The following PLA2G15 variants were observed in gnomAD, a reference collection of about 807,000 sequenced individuals.
PLA2G15 encodes phospholipase A2 group XV, also known as lysosomal phospholipase A and acyltransferase.
A neutral mutation model predicts 40.9 loss-of-function variants in PLA2G15; 20 were observed. That is an observed-to-expected ratio of 0.49 (90% CI 0.34 to 0.71). The LOEUF (loss-of-function observed/expected upper bound fraction) is 0.71, where lower values mean the gene tolerates loss of function less well. PLA2G15 is among the 30% of genes least tolerant of loss of function. The probability of loss-of-function intolerance (pLI) is 0.01; values close to 1 mark genes in which losing one functional copy is unlikely to be tolerated. For synonymous variants in PLA2G15, 223 were observed against 228.2 expected (o/e 0.98, Z 0.21); for missense variants, 471 against 541.9 (o/e 0.87, Z 1.30).
At chr16:68,257,954 T>C (rs2042414822) in intron 5 of PLA2G15, among the ~76,000 whole-genome samples, 1 of 152,134 alleles carries the variant, frequency 6.6e-6, no homozygotes, top group Non-Finnish European at 1.5e-5. Flanking sequence ...CCTAGGGGCT[T>C]TCCTTGCCTC....
intron 1 of PLA2G15, among the ~76,000 whole-genome samples, chr16:68,247,879 G>T (rs1028189074): frequency 6.6e-6 from 1 of 152,242 alleles, no homozygotes; most frequent in Non-Finnish European, 1.5e-5. Flanking sequence ...CATGGCATGT[G>T]GGGGCAGGTG....
At chr16:68,257,724 G>A (rs778704683) in intron 5 of PLA2G15, among the ~76,000 whole-genome samples, 3 of 152,196 alleles carry the variant, frequency 2.0e-5, no homozygotes, top group Non-Finnish European at 2.9e-5. Context: ...AAGACACTCA[G>A]ATTTAGTGAG....
chr16:68,260,102 C>G lies in PLA2G15; in HGVS notation c.*445C>G, dbSNP rs1010585731. 1.8e-5 allele frequency: 3 copies of G among 170,350 alleles called. No homozygotes were observed. The highest frequency in any genetic ancestry group is 7.2e-5 in the African/African-American group (3 of 41,894). The allele number at this position is 170,350 out of a possible 1,614,324, so 10.6% of individuals were successfully genotyped here. A position where few individuals can be genotyped will look rare whatever the true frequency, so the allele number is the denominator to read the frequency against. On this transcript the variant is annotated 3_prime_UTR_variant, in exon 6 of 6. Coordinates refer to ENST00000219345, the MANE Select transcript of PLA2G15 (RefSeq NM_012320.4). ...TCCCAGGGATCGGCTCCTGGCCCCT[C>G]GGGTGACCCTTCCCACACACCAGCC...
intron 1 of PLA2G15, among the ~76,000 whole-genome samples, chr16:68,246,198 A>T (rs2042307181): frequency 1.3e-5 from 2 of 152,234 alleles, no homozygotes; most frequent in African/African-American, 2.4e-5. Flanking sequence ...CCTGCCACAC[A>T]TGCTTGGACT....
At chr16:68,247,105 C>T (rs2042315955) in intron 1 of PLA2G15, among the ~76,000 whole-genome samples, 1 of 152,066 alleles carries the variant, frequency 6.6e-6, no homozygotes, top group Admixed American at 6.5e-5. Flanking sequence ...CAGCAGGAGT[C>T]CTAACATGCC....
chr16:68,253,697 T>G (rs913659439), intron 2 of PLA2G15, among the ~76,000 whole-genome samples: 11 of 150,480 alleles, frequency 7.3e-5, no homozygotes, highest in South Asian at 4.2e-4. Flanking sequence ...TTTTGTTTTT[T>G]TTTTTTTTTT....
At chr16:68,253,981 A>AC (rs1293625665) in intron 2 of PLA2G15, among the ~76,000 whole-genome samples, 1 of 151,792 alleles carries the variant, frequency 6.6e-6, no homozygotes, top group Non-Finnish European at 1.5e-5. Context: ...CAGCCACTGC[A>AC]CCCGGCCCCT....
chr16:68,251,681 C>CA (rs900418947), intron 2 of PLA2G15, among the ~76,000 whole-genome samples: 2 of 150,458 alleles, frequency 1.3e-5, no homozygotes, highest in African/African-American at 2.4e-5. Context: ...GACTCCATCT[C>CA]AAAAAAAAGA....
At chr16:68,252,202 A>G (rs1003654208) in intron 2 of PLA2G15, among the ~76,000 whole-genome samples, 1 of 152,210 alleles carries the variant, frequency 6.6e-6, no homozygotes, top group African/African-American at 2.4e-5. Context: ...AGTAGCAACA[A>G]GCTACTTTGC....
At chr16:68,248,678 C>T (rs973434907) in intron 1 of PLA2G15, 18 of 988,654 alleles carry the variant, frequency 1.8e-5, no homozygotes, top group Admixed American at 5.9e-5. Flanking sequence ...TGAGCCCCTG[C>T]GCCCTGCCTC....
At chr16:68,253,480 C>A in intron 2 of PLA2G15, 1 of 436,262 alleles carries the variant, frequency 2.3e-6, no homozygotes, top group South Asian at 1.6e-5. Flanking sequence ...GGCTCAAGCA[C>A]TTCTCCTGCC....
Position 68,255,523 on chromosome 16 carries a change from C to A in PLA2G15, c.502+143C>A. The A allele has an allele frequency of 1.5e-6, 1 of 658,462 alleles. No homozygotes were observed. The highest frequency in any genetic ancestry group is 2.6e-6 in the Non-Finnish European group (1 of 380,794). 40.8% of individuals were successfully genotyped at this position (658,462 alleles called of 1,614,324 possible). On this transcript the variant is annotated intron_variant, in intron 4 of 5. Transcript: ENST00000219345. The surrounding 1 kb of genome is among the most constrained non-coding windows in gnomAD (Gnocchi z 5.9). ...CTGGCATCCAGTCTAGTGGTCACAG[C>A]CACCACCTTTGGTCAGTCTTATCCT...
In PLA2G15 at chr16:68,259,588, C is replaced by T. The variant is rs748003753; in HGVS notation, c.1170C>T (p.Ser390=). ...HQVLLQELPG[S]EHIEMLANAT... is the part of the protein sequence containing the mutation. ...TGTTGCTGCAGGAGCTGCCAGGCAG[C>T]GAGCACATCGAGATGCTGGCCAACG... is the stretch of plus-strand genomic sequence containing the variant. The change falls in exon 6 of 6, where the codon AGC becomes AGT. Residue 390 remains serine, a synonymous_variant. Coordinates refer to ENST00000219345, the MANE Select transcript of PLA2G15 (RefSeq NM_012320.4). The surrounding 1 kb of genome is among the most constrained non-coding windows in gnomAD (Gnocchi z 6.5). The T allele has an allele frequency of 6.8e-6, 11 of 1,613,266 alleles. No individual in the cohort carries two copies. Among genetic ancestry groups the T allele is most frequent in the South Asian group, 2.2e-5 (2 of 91,086 alleles).
chr16:68,247,881 G>A (rs2042321825), intron 1 of PLA2G15, among the ~76,000 whole-genome samples: 1 of 152,224 alleles, frequency 6.6e-6, no homozygotes, highest in African/African-American at 2.4e-5. Flanking sequence ...TGGCATGTGG[G>A]GGCAGGTGAG....
rs746002358 is a variant in PLA2G15 at position 68,255,336 on chromosome 16, G to T, written c.458G>T (p.Gly153Val). The T allele has an allele frequency of 8.1e-6, 13 of 1,613,756 alleles. 1 individual carries two copies. Among genetic ancestry groups the T allele is most frequent in the Middle Eastern group, 1.6e-4 (1 of 6,080 alleles). The change falls in exon 4 of 6, where the codon GGT (glycine) becomes GTT (valine). Residue 153 changes from glycine to valine, a missense_variant. Physicochemically the swap from Gly to Val is moderately radical, Grantham distance 109. Transcript: ENST00000219345. The surrounding 1 kb of genome is among the most constrained non-coding windows in gnomAD (Gnocchi z 5.9). Reference sequence around the variant, plus strand: ...CTTGTGGGCTGGGGCTACACACGGGGTGAGGATGTCCGAGGGGCTCCCTAT... The same window carrying T: ...CTTGTGGGCTGGGGCTACACACGGGTTGAGGATGTCCGAGGGGCTCCCTAT... ...ESLVGWGYTR[G>V]EDVRGAPYDW...
chr16:68,255,226 T>C lies in PLA2G15; in HGVS notation c.404-56T>C, dbSNP rs1377177261. The C allele has an allele frequency of 3.1e-6, 4 of 1,287,510 alleles. No individual in the cohort carries two copies. Among genetic ancestry groups the C allele is most frequent in the African/African-American group, 1.5e-5 (1 of 68,658 alleles). The allele number at this position is 1,287,510 out of a possible 1,614,324, so 79.8% of individuals were successfully genotyped here. A position where few individuals can be genotyped will look rare whatever the true frequency, so the allele number is the denominator to read the frequency against. On this transcript the variant is annotated intron_variant, in intron 3 of 5. Transcript: ENST00000219345. This position sits in a 1 kb window ranked among gnomAD's most constrained non-coding sequence, Gnocchi z 5.9. ...GTCACAGTCTCCATGCTGGGCATAG[T>C]GTAGGTGGCCGGCACTAGCTGTATC... is the stretch of plus-strand genomic sequence containing the variant.
At chr16:68,252,472 C>G in intron 2 of PLA2G15, 1 of 449,870 alleles carries the variant, frequency 2.2e-6, no homozygotes, top group Non-Finnish European at 4.5e-6. Flanking sequence ...GGTGTCTCCC[C>G]TGGCCCATCA....
rs545614948 is a variant in PLA2G15 at position 68,252,368 on chromosome 16, GT to G, written c.285-2547del. On this transcript the variant is annotated intron_variant, in intron 2 of 5. Transcript: ENST00000219345. ...ACCACCAGAAACTCCAGGTTCCTGT[GT>G]TTTGGGGGCACATTTGCTTCTTCAG... 7.0e-3 allele frequency among the ~76,000 whole-genome samples: 1,069 copies of G among 152,272 alleles called. 12 individuals carry two copies. The highest frequency in any genetic ancestry group is 0.011 in the Non-Finnish European group (753 of 68,018).
intron 2 of PLA2G15, among the ~76,000 whole-genome samples, chr16:68,249,958 G>A (rs2151202242): frequency 6.6e-6 from 1 of 152,202 alleles, no homozygotes; most frequent in South Asian, 2.1e-4. Flanking sequence ...GGGATTACAG[G>A]CATGAGCCAC....
Sources: allele counts gnomAD v4.1 joint callset (sites outside exome capture counted in the v4.1 genomes callset), GRCh38; gene constraint gnomAD v4.1.1; non-coding constraint Gnocchi (gnomAD v3.1); transcripts MANE v1.5; gene names NCBI Gene and HGNC (gene_info 2026-07-23, HGNC 2026-07-21).